Variants in ANXA2R observed in about 807,000 individuals in gnomAD.
ANXA2R encodes the protein annexin A2 receptor.
For synonymous variants in ANXA2R, 93 were observed against 93.6 expected (o/e 0.99, Z 0.04); for missense variants, 244 against 241.5 (o/e 1.01, Z -0.07).
upstream of ANXA2R, chr5:43,040,540 GC>G (rs1217542747): frequency 6.4e-6 from 1 of 156,760 alleles, no homozygotes; most frequent in African/African-American, 2.4e-5. Flanking sequence ...CGTAAAGGGT[GC>G]TGCTAAAGAG....
chr5:43,041,461 T>C (rs1042790436), upstream of ANXA2R: 3 of 152,122 alleles, frequency 2.0e-5, no homozygotes, highest in Non-Finnish European at 4.4e-5. Flanking sequence ...AAAGTCTCGA[T>C]GGGCAGGACT....
Position 43,039,441 on chromosome 5 carries a change from A to C in ANXA2R, c.*24T>G. 6.7e-7 allele frequency: 1 copy of C among 1,483,442 alleles called. No individual in the cohort carries two copies. The highest frequency in any genetic ancestry group is 9.0e-7 in the Non-Finnish European group (1 of 1,114,368). The allele number at this position is 1,483,442 out of a possible 1,614,324, so 91.9% of individuals were successfully genotyped here. A position where few individuals can be genotyped will look rare whatever the true frequency, so the allele number is the denominator to read the frequency against. On this transcript the variant is annotated 3_prime_UTR_variant, in exon 1 of 1. Coordinates refer to ENST00000616064, the MANE Select transcript of ANXA2R (RefSeq NM_001014279.3). ...ACTGAGAATCTTTTCAAGGAGGAGAATCCAAAAAGCCTTCTGCTGCTATCT... is the reference window on the plus strand; with the variant it reads ...ACTGAGAATCTTTTCAAGGAGGAGACTCCAAAAAGCCTTCTGCTGCTATCT...
chr5:43,040,571 C>T (rs1318297558), upstream of ANXA2R: 1 of 154,858 alleles, frequency 6.5e-6, no homozygotes, highest in African/African-American at 2.4e-5. Flanking sequence ...GCTCTTAGAA[C>T]TAAGAGCGGT....
In ANXA2R at chr5:43,039,912, T is replaced by C; in HGVS notation, c.135A>G (p.Gly45=). 6.2e-7 allele frequency: 1 copy of C among 1,614,122 alleles called. No individual in the cohort carries two copies. The highest frequency in any genetic ancestry group is 2.2e-5 in the East Asian group (1 of 44,886). Residue 45 remains glycine, a synonymous_variant, in exon 1 of 1, where the codon GGA becomes GGG. Transcript: ENST00000616064. The part of the protein sequence containing the change: ...PWPLPLYPVL[G]EYSLDSCDLG... ...AATCACAGCTGTCCAGTGAGTACTC[T>C]CCTAGTACTGGATACAAAGGAAGAG...
upstream of ANXA2R, chr5:43,042,455 CTG>C (rs1186043323): frequency 3.3e-5 from 5 of 152,926 alleles, no homozygotes; most frequent in Admixed American, 1.3e-4. The surrounding 1 kb of genome is among the most constrained non-coding windows in gnomAD (Gnocchi z 5.6). Context: ...ACCGTCGACT[CTG>C]AGAAAAAAAG....
At chr5:43,041,865 G>T (rs1276112347), upstream of ANXA2R, 1 of 152,248 alleles carries the variant, frequency 6.6e-6, no homozygotes, top group Non-Finnish European at 1.5e-5. Flanking sequence ...GCCTTCGCAT[G>T]GGGAAACGGG....
Position 43,039,915 on chromosome 5 carries a change from T to C in ANXA2R, c.132A>G (p.Leu44=). The C allele has an allele frequency of 1.2e-6, 2 of 1,614,166 alleles. No homozygotes were observed. The highest frequency in any genetic ancestry group is 1.7e-6 in the Non-Finnish European group (2 of 1,179,986). ...GPWPLPLYPV[L]GEYSLDSCDL... is the part of the protein sequence containing the mutation. ...CACAGCTGTCCAGTGAGTACTCTCCTAGTACTGGATACAAAGGAAGAGGCC... is the reference window on the plus strand; with the variant it reads ...CACAGCTGTCCAGTGAGTACTCTCCCAGTACTGGATACAAAGGAAGAGGCC... The change falls in exon 1 of 1, where the codon CTA becomes CTG. Residue 44 remains leucine (L), a synonymous_variant. Coordinates refer to ENST00000616064, the MANE Select transcript of ANXA2R (RefSeq NM_001014279.3).
Position 43,039,980 on chromosome 5 carries a change from G to A in ANXA2R, c.67C>T (p.Gln23Ter), listed in dbSNP as rs138596978. 5.4e-5 allele frequency: 87 copies of A among 1,613,716 alleles called. No homozygotes were observed. The highest frequency in any genetic ancestry group is 6.8e-5 in the Non-Finnish European group (80 of 1,180,014). Residue 23 changes from glutamine (Q) to a stop codon, truncating the protein, a stop_gained, in exon 2 of 2, where the codon CAG becomes TAG. Transcript: ENST00000314890. LOFTEE classifies it low-confidence loss of function (END_TRUNC). ...TCTGAACTCACAATAGGTGGAGGCT[G>A]GGGCTCTGGCGCCACCTCTGCGGAA...
At chr5:43,042,003 C>T (rs978620337), upstream of ANXA2R, 2 of 152,328 alleles carry the variant, frequency 1.3e-5, no homozygotes, top group Non-Finnish European at 2.9e-5. This position sits in a 1 kb window ranked among gnomAD's most constrained non-coding sequence, Gnocchi z 5.6. Context: ...AAATCCCAGG[C>T]ACCGCGAAAT....
chr5:43,039,631 C>T lies in ANXA2R; in HGVS notation c.416G>A (p.Cys139Tyr). 6.2e-7 allele frequency: 1 copy of T among 1,613,706 alleles called. No individual in the cohort carries two copies. The highest frequency in any genetic ancestry group is 1.3e-5 in the African/African-American group (1 of 75,058). ...GCGTTCCAAAAGGCACCCGCTGTCA[C>T]AGACCTCGGTGTCCTGCTGTCTGTC... ...PWDRQQDTEV[C>Y]DSGCLLERRH... Residue 139 changes from cysteine to tyrosine, a missense_variant, in exon 1 of 1, where the codon TGT becomes TAT. Physicochemically the swap from Cys to Tyr is radical, Grantham distance 194. Coordinates refer to ENST00000616064, the MANE Select transcript of ANXA2R (RefSeq NM_001014279.3).
upstream of ANXA2R, chr5:43,042,632 CTG>C (rs1482227587): frequency 6.5e-6 from 1 of 152,818 alleles, no homozygotes; most frequent in Non-Finnish European, 1.5e-5. This position sits in a 1 kb window ranked among gnomAD's most constrained non-coding sequence, Gnocchi z 5.6. Context: ...GACGAGGAAA[CTG>C]TGCACAGCAC....
At position 43,039,567 on chromosome 5, in the gene ANXA2R, C is replaced by T. The variant is rs763484607; in HGVS notation, c.480G>A (p.Pro160=). ...PPALQPWRHL[P]GFSDCLEWIL... is the part of the protein sequence containing the mutation. Reference sequence around the variant, plus strand: ...TCCACTCCAGGCAGTCTGAGAAACCCGGGAGGTGGCGCCACGGCTGGAGGG... The same window carrying T: ...TCCACTCCAGGCAGTCTGAGAAACCTGGGAGGTGGCGCCACGGCTGGAGGG... The change falls in exon 1 of 1, where the codon CCG becomes CCA. Residue 160 remains proline (P), a synonymous_variant. Coordinates refer to ENST00000616064, the MANE Select transcript of ANXA2R (RefSeq NM_001014279.3). 9.3e-6 allele frequency: 15 copies of T among 1,613,872 alleles called. No individual in the cohort carries two copies. Among genetic ancestry groups the T allele is most frequent in the Middle Eastern group, 1.7e-4 (1 of 6,058 alleles).
upstream of ANXA2R, chr5:43,042,083 G>C (rs1003042753): frequency 3.3e-5 from 5 of 152,370 alleles, no homozygotes; most frequent in South Asian, 6.2e-4. This position sits in a 1 kb window ranked among gnomAD's most constrained non-coding sequence, Gnocchi z 5.6. Flanking sequence ...GACGCCGGCG[G>C]CGCCGCCACA....
In ANXA2R at chr5:43,039,926, A is replaced by T. The variant is rs200161146; in HGVS notation, c.121T>A (p.Tyr41Asn). ...EDRGPWPLPL[Y>N]PVLGEYSLDS... ...AGTGAGTACTCTCCTAGTACTGGATACAAAGGAAGAGGCCACGGCCCACGA... is the reference window on the plus strand; with the variant it reads ...AGTGAGTACTCTCCTAGTACTGGATTCAAAGGAAGAGGCCACGGCCCACGA... Residue 41 changes from tyrosine (Y) to asparagine (N), a missense_variant, in exon 1 of 1, where the codon TAT (tyrosine) becomes AAT (asparagine). Physicochemically the swap from Tyr to Asn is moderately radical, Grantham distance 143 (BLOSUM62 -2). Coordinates refer to ENST00000616064, the MANE Select transcript of ANXA2R (RefSeq NM_001014279.3). The T allele has an allele frequency of 3.8e-5, 62 of 1,614,234 alleles. No homozygotes were observed. The highest frequency in any genetic ancestry group is 1.6e-5 in the Non-Finnish European group (19 of 1,180,052).
Position 43,040,214 on chromosome 5 carries a change from T to C in ANXA2R, c.-168A>G, listed in dbSNP as rs764440772. 2.1e-5 allele frequency: 13 copies of C among 616,726 alleles called. No homozygotes were observed. Among genetic ancestry groups the C allele is most frequent in the Admixed American group, 1.4e-4 (4 of 29,336 alleles). The allele number at this position is 616,726 out of a possible 1,614,324, so 38.2% of individuals were successfully genotyped here. A position where few individuals can be genotyped will look rare whatever the true frequency, so the allele number is the denominator to read the frequency against. On this transcript the variant is annotated 5_prime_UTR_variant, in exon 1 of 1. Transcript: ENST00000616064. ...AAATTAGTAGACAAATGAAAAACGA[T>C]AACATTTTAGAGAGTACATAGAACC...
rs1742154519 is a variant in ANXA2R at position 43,039,753 on chromosome 5, C to T, written c.294G>A (p.Lys98=). ...CCTCTTCTACGGGTGCCTCTTGCTG[C>T]TTCTGTGTCCCCGGCCAACTGAACT... ...PTEFSWPGTQ[K]QQEAPVEEVG... The change falls in exon 1 of 1, where the codon AAG becomes AAA. Residue 98 remains lysine, a synonymous_variant. Transcript: ENST00000616064. 4 of 1,614,096 alleles carry T rather than the reference C, an allele frequency of 2.5e-6. No homozygotes were observed. In the South Asian group the frequency reaches 4.4e-5, roughly 18 times the overall value.
chr5:43,041,425 C>A (rs1742192327), upstream of ANXA2R: 1 of 152,130 alleles, frequency 6.6e-6, no homozygotes, highest in Non-Finnish European at 1.5e-5. Flanking sequence ...GTAGCTGGTA[C>A]ATCCCGATTT....
At chr5:43,041,718 A>G (rs934371546), upstream of ANXA2R, 2 of 152,092 alleles carry the variant, frequency 1.3e-5, no homozygotes, top group Non-Finnish European at 2.9e-5. Flanking sequence ...CAGCTAAAGC[A>G]AGTCTTACCA....
chr5:43,040,000 G>A lies in ANXA2R; in HGVS notation c.47C>T (p.Ala16Val), dbSNP rs1475063000. The change falls in exon 1 of 1, where the codon GCA becomes GTA. Residue 16 changes from alanine (A) to valine (V), a missense_variant. Physicochemically the swap from Ala to Val is moderately conservative, Grantham distance 64. Transcript: ENST00000616064. ...AGGCTGGGGCTCTGGCGCCACCTCTGCGGAATCCCAAGCCCGCTTCACACA... is the reference window on the plus strand; with the variant it reads ...AGGCTGGGGCTCTGGCGCCACCTCTACGGAATCCCAAGCCCGCTTCACACA... ...LGCVKRAWDS[A>V]EVAPEPQPPP... 6.2e-7 allele frequency: 1 copy of A among 1,613,256 alleles called. No homozygotes were observed.
Sources: allele counts gnomAD v4.1 joint callset, GRCh38; gene constraint gnomAD v4.1.1; non-coding constraint Gnocchi (gnomAD v3.1); transcripts MANE v1.5; gene names NCBI Gene and HGNC (gene_info 2026-07-23, HGNC 2026-07-21).